Variants in KCTD16 observed in about 807,000 individuals in gnomAD.
The protein encoded by KCTD16 is potassium channel tetramerization domain containing 16, also known as BTB/POZ domain-containing protein KCTD16.
Under a neutral mutation model 33.2 loss-of-function variants are expected in KCTD16, and 13 were observed. The observed-to-expected ratio is 0.39, with a 90% CI of 0.25 to 0.62. The LOEUF (loss-of-function observed/expected upper bound fraction) is 0.62, where lower values mean the gene tolerates loss of function less well. Ranked by LOEUF, KCTD16 falls within the 20% of genes least tolerant of loss-of-function variation. KCTD16 has a pLI of 0.50. For synonymous variants in KCTD16, 197 were observed against 195.3 expected, an observed-to-expected ratio of 1.01 and a Z score of -0.07; for missense variants, 441 against 525.1, an observed-to-expected ratio of 0.84 and a Z score of 1.57.
At chr5:144,265,607 T>C (rs1755120883) in intron 3 of KCTD16, among the ~76,000 whole-genome samples, 1 of 152,256 alleles carries the variant, frequency 6.6e-6, no homozygotes, top group Non-Finnish European at 1.5e-5. Context: ...CGAAGTTGGC[T>C]GTATCTTCTA....
intron 2 of KCTD16, chr5:144,205,337 A>T (rs528630128): frequency 7.4e-4 from 290 of 392,090 alleles, no homozygotes; most frequent in Non-Finnish European, 1.1e-3. Flanking sequence ...CTTTAAGATG[A>T]TGTAATAGTC....
intron 3 of KCTD16, among the ~76,000 whole-genome samples, chr5:144,370,563 T>C (rs1157957897): frequency 6.6e-6 from 1 of 152,178 alleles, no homozygotes; most frequent in Non-Finnish European, 1.5e-5. Flanking sequence ...TCTTGGAGCA[T>C]GGAAAAGTTA....
intron 3 of KCTD16, among the ~76,000 whole-genome samples, chr5:144,229,066 A>C (rs185450277): frequency 6.6e-6 from 1 of 152,292 alleles, no homozygotes; most frequent in East Asian, 1.9e-4. Flanking sequence ...ATGAATGTGA[A>C]GTGAGATCAT....
At chr5:144,394,161 C>G (rs565514034) in intron 3 of KCTD16, among the ~76,000 whole-genome samples, 1 of 152,182 alleles carries the variant, frequency 6.6e-6, no homozygotes, top group East Asian at 1.9e-4. Context: ...CTCATTACAG[C>G]CATCTTCTTG....
At chr5:144,192,627 G>T (rs1268536426) in intron 2 of KCTD16, among the ~76,000 whole-genome samples, 1 of 152,132 alleles carries the variant, frequency 6.6e-6, no homozygotes, top group South Asian at 2.1e-4. Flanking sequence ...AGGCACTGTG[G>T]CTTTTTCATT....
intron 3 of KCTD16, among the ~76,000 whole-genome samples, chr5:144,362,473 C>T (rs1751736067): frequency 6.6e-6 from 1 of 152,068 alleles, no homozygotes; most frequent in African/African-American, 2.4e-5. Flanking sequence ...AGTGGGGTGA[C>T]TAATGACAGA....
At chr5:144,402,908 G>T (rs192997565) in intron 3 of KCTD16, among the ~76,000 whole-genome samples, 33 of 152,310 alleles carry the variant, frequency 2.2e-4, no homozygotes, top group African/African-American at 7.7e-4. Context: ...AGTTCAAAAA[G>T]CCTTTTAAGG....
chr5:144,331,420 T>C (rs1752355406), intron 3 of KCTD16, among the ~76,000 whole-genome samples: 1 of 152,178 alleles, frequency 6.6e-6, no homozygotes, highest in Non-Finnish European at 1.5e-5. Flanking sequence ...AATGTGAGGA[T>C]TGCTACTTAA....
chr5:144,441,272 T>A (rs900748790), intron 3 of KCTD16, among the ~76,000 whole-genome samples: 6 of 152,136 alleles, frequency 3.9e-5, no homozygotes, highest in Non-Finnish European at 8.8e-5. Flanking sequence ...TTTGATGCAG[T>A]TTATCTATTT....
intron 3 of KCTD16, among the ~76,000 whole-genome samples, chr5:144,411,995 A>G (rs1013704122): frequency 6.6e-6 from 1 of 152,208 alleles, no homozygotes; most frequent in South Asian, 2.1e-4. Context: ...ACCCAGTTCA[A>G]ATGGTTTTTA....
chr5:144,284,016 A>G (rs757639731), intron 3 of KCTD16, among the ~76,000 whole-genome samples: 2 of 152,184 alleles, frequency 1.3e-5, no homozygotes, highest in African/African-American at 2.4e-5. Context: ...CCTCCTTTTC[A>G]TGGCCTGTGT....
chr5:144,361,603 G>C (rs1040270424), intron 3 of KCTD16, among the ~76,000 whole-genome samples: 1 of 152,136 alleles, frequency 6.6e-6, no homozygotes, highest in African/African-American at 2.4e-5. Flanking sequence ...CCCCTTCGTT[G>C]CTTACTACCA....
intron 3 of KCTD16, among the ~76,000 whole-genome samples, chr5:144,219,123 C>T (rs1289209422): frequency 2.0e-5 from 3 of 152,186 alleles, no homozygotes; most frequent in Non-Finnish European, 2.9e-5. Context: ...CTCATGGCAG[C>T]GTTGTGAGAA....
intron 2 of KCTD16, among the ~76,000 whole-genome samples, chr5:144,184,536 A>C (rs999619823): frequency 6.6e-6 from 1 of 152,182 alleles, no homozygotes; most frequent in African/African-American, 2.4e-5. Context: ...TTAGAAGTAG[A>C]ATTGCCTGAT....
At chr5:144,312,734 G>C (rs1751798562) in intron 3 of KCTD16, among the ~76,000 whole-genome samples, 1 of 152,210 alleles carries the variant, frequency 6.6e-6, no homozygotes. Context: ...CAAAGTGCTA[G>C]AGGAACCTCC....
At chr5:144,215,982 C>G (rs960745809) in intron 3 of KCTD16, among the ~76,000 whole-genome samples, 1 of 152,186 alleles carries the variant, frequency 6.6e-6, no homozygotes, top group Non-Finnish European at 1.5e-5. Flanking sequence ...TTCATTCTGG[C>G]TATTGCACAA....
At chr5:144,345,085 C>T (rs979200594) in intron 3 of KCTD16, among the ~76,000 whole-genome samples, 4 of 151,694 alleles carry the variant, frequency 2.6e-5, no homozygotes, top group Admixed American at 1.3e-4. Flanking sequence ...AATCATCATT[C>T]TCAGTAAACT....
intron 3 of KCTD16, among the ~76,000 whole-genome samples, chr5:144,447,910 C>A (rs1183117040): frequency 6.6e-6 from 1 of 151,924 alleles, no homozygotes; most frequent in Non-Finnish European, 1.5e-5. Flanking sequence ...CAGATTATAC[C>A]CTAGACCACT....
chr5:144,390,640 C>T (rs1752428110), intron 3 of KCTD16, among the ~76,000 whole-genome samples: 1 of 152,142 alleles, frequency 6.6e-6, no homozygotes, highest in East Asian at 1.9e-4. Context: ...AACCTGTCAT[C>T]TACATTAGGT....
Sources: gnomAD v4.1 joint callset for allele counts (sites outside exome capture counted in the v4.1 genomes callset) on GRCh38, gnomAD v4.1.1 for gene constraint, MANE v1.5 for transcripts, NCBI Gene and HGNC (gene_info 2026-07-23, HGNC 2026-07-21) for gene names.